LUZP2: variants seen among roughly 807,000 people sequenced by gnomAD.
The protein encoded by LUZP2 is leucine zipper protein 2.
LUZP2 carries 52 observed loss-of-function variants against 51.6 expected under a neutral mutation model. The ratio of observed to expected loss-of-function variants is 1.01; its 90% CI spans 0.81 to 1.27. The LOEUF (loss-of-function observed/expected upper bound fraction) is 1.27, where lower values mean the gene tolerates loss of function less well. Among genes scored for constraint, LUZP2 ranks in the 50% most tolerant of loss-of-function variants. The pLI is 0.00. For missense variants in LUZP2, 436 were observed against 395.4 expected (o/e 1.10, Z -0.87); for synonymous variants, 154 against 137.3 (o/e 1.12, Z -0.85).
intron 1 of LUZP2, among the ~76,000 whole-genome samples, chr11:24,525,456 C>T (rs1509606): frequency 0.23 from 35,382 of 151,094 alleles, 5,495 homozygotes; most frequent in African/African-American, 0.44. Flanking sequence ...AGGAATCAGT[C>T]TGTGAAAATA....
chr11:24,590,622 T>G (rs1201377696), intron 1 of LUZP2, among the ~76,000 whole-genome samples: 3 of 152,188 alleles, frequency 2.0e-5, no homozygotes, highest in Non-Finnish European at 4.4e-5. Flanking sequence ...AAAATGCCAC[T>G]TAAAGGATAT....
At chr11:24,837,660 T>C (rs1397784260) in intron 5 of LUZP2, among the ~76,000 whole-genome samples, 5 of 151,758 alleles carry the variant, frequency 3.3e-5, no homozygotes, top group Non-Finnish European at 7.4e-5. Context: ...GACAGAATTA[T>C]GAAGCTTCAA....
At chr11:25,003,156 G>T (rs945302574) in intron 9 of LUZP2, among the ~76,000 whole-genome samples, 15 of 152,160 alleles carry the variant, frequency 9.9e-5, no homozygotes, top group African/African-American at 3.1e-4. Flanking sequence ...AGAGTAGCCT[G>T]CTGGCATGAG....
intron 5 of LUZP2, among the ~76,000 whole-genome samples, chr11:24,820,402 A>G (rs1264959932): frequency 6.6e-6 from 1 of 152,158 alleles, no homozygotes; most frequent in African/African-American, 2.4e-5. Context: ...CGGTTCAAGG[A>G]GTCTCAGGAA....
At chr11:24,574,401 T>C (rs1215458921) in intron 1 of LUZP2, among the ~76,000 whole-genome samples, 1 of 141,186 alleles carries the variant, frequency 7.1e-6, no homozygotes, top group Non-Finnish European at 1.5e-5. Context: ...TTCATCTCTC[T>C]CTCTCTCTCT....
At chr11:24,640,957 GTATAGATATAGA>G (rs72192382) in intron 1 of LUZP2, among the ~76,000 whole-genome samples, 20,239 of 145,082 alleles carry the variant, frequency 0.14, 1,861 homozygotes, top group African/African-American at 0.23. Flanking sequence ...ATCTATATCT[GTATAGATATAGA>G]TATAGATATA....
chr11:24,822,700 G>A (rs1455759544), intron 5 of LUZP2, among the ~76,000 whole-genome samples: 1 of 151,972 alleles, frequency 6.6e-6, no homozygotes, highest in Non-Finnish European at 1.5e-5. Context: ...CTAGTGTTTG[G>A]ATTTCCATCT....
At chr11:24,996,175 A>G (rs1380114381) in intron 9 of LUZP2, among the ~76,000 whole-genome samples, 1 of 151,480 alleles carries the variant, frequency 6.6e-6, no homozygotes, top group Non-Finnish European at 1.5e-5. Flanking sequence ...CTGATTATCA[A>G]TCATATTTTT....
intron 9 of LUZP2, among the ~76,000 whole-genome samples, chr11:25,001,303 C>T (rs1856675243): frequency 6.6e-6 from 1 of 152,176 alleles, no homozygotes; most frequent in South Asian, 2.1e-4. Flanking sequence ...AATTATTAGG[C>T]AATTTTCCTA....
chr11:24,928,329 T>C (rs1331974091), intron 7 of LUZP2, among the ~76,000 whole-genome samples: 2 of 152,060 alleles, frequency 1.3e-5, no homozygotes, highest in South Asian at 4.1e-4. Flanking sequence ...TCAGGAGGAA[T>C]GCTTTCAACT....
At chr11:24,796,859 C>T (rs189727749) in intron 5 of LUZP2, among the ~76,000 whole-genome samples, 3 of 152,182 alleles carry the variant, frequency 2.0e-5, no homozygotes, top group Non-Finnish European at 4.4e-5. Flanking sequence ...ATAAATCCTC[C>T]TCATTAACAG....
intron 1 of LUZP2, among the ~76,000 whole-genome samples, chr11:24,537,652 A>AGC (rs201235997): frequency 1.5e-4 from 7 of 46,936 alleles, no homozygotes; most frequent in African/African-American, 3.2e-4. Flanking sequence ...TCTGAAGCAA[A>AGC]ACGTGTTAAA....
At chr11:24,734,620 G>A (rs534794846) in intron 3 of LUZP2, among the ~76,000 whole-genome samples, 1 of 151,860 alleles carries the variant, frequency 6.6e-6, no homozygotes, top group South Asian at 2.1e-4. Flanking sequence ...CTTCTCAAAA[G>A]GATATAAGAT....
intron 1 of LUZP2, among the ~76,000 whole-genome samples, chr11:24,627,156 A>G (rs1408482866): frequency 6.6e-6 from 1 of 152,210 alleles, no homozygotes; most frequent in Non-Finnish European, 1.5e-5. Flanking sequence ...AGATGCTCCT[A>G]TAGTACAAAA....
At chr11:25,007,232 C>G (rs1856857045) in intron 9 of LUZP2, among the ~76,000 whole-genome samples, 1 of 152,168 alleles carries the variant, frequency 6.6e-6, no homozygotes, top group African/African-American at 2.4e-5. Flanking sequence ...GGGTTCACCT[C>G]TCACTATTAT....
chr11:24,543,200 A>T (rs894208854), intron 1 of LUZP2, among the ~76,000 whole-genome samples: 1 of 149,464 alleles, frequency 6.7e-6, no homozygotes, highest in African/African-American at 2.6e-5. Context: ...AGGAACCAGA[A>T]AACGTGTTTG....
chr11:24,859,798 G>T (rs186193742), intron 5 of LUZP2, among the ~76,000 whole-genome samples: 3 of 152,364 alleles, frequency 2.0e-5, no homozygotes, highest in African/African-American at 7.2e-5. Context: ...CCACTATCCA[G>T]CAGGGGAAAC....
intron 1 of LUZP2, among the ~76,000 whole-genome samples, chr11:24,626,174 CA>C: frequency 6.6e-6 from 1 of 152,186 alleles, no homozygotes; most frequent in Non-Finnish European, 1.5e-5. Context: ...CAACAAATGG[CA>C]GCCATCTCAA....
Position 24,614,700 on chromosome 11 carries a change from C to T in LUZP2, c.63-114469C>T, listed in dbSNP as rs139145395. Among the ~76,000 whole-genome samples, 58 of 152,126 alleles carry T rather than the reference C, an allele frequency of 3.8e-4. No homozygotes were observed. The East Asian group carries it at 0.01, about 27-fold the overall frequency. On this transcript the variant is annotated intron_variant, in intron 1 of 11. Coordinates refer to ENST00000336930, the MANE Select transcript of LUZP2 (RefSeq NM_001009909.4). ...GAAAACTTTTCCTCGAGAAGGGACA[C>T]ATAGCTCAATCTTCTGTGTTTTCAG...
Sources: gnomAD v4.1 joint callset for allele counts (sites outside exome capture counted in the v4.1 genomes callset) on GRCh38, gnomAD v4.1.1 for gene constraint, MANE v1.5 for transcripts, NCBI Gene and HGNC (gene_info 2026-07-23, HGNC 2026-07-21) for gene names.